Variants in MDGA2 observed in about 807,000 individuals in gnomAD.
MDGA2 encodes MAM domain-containing glycosylphosphatidylinositol anchor protein 2.
Under a neutral mutation model 117.8 loss-of-function variants are expected in MDGA2, and 40 were observed. That is an observed-to-expected ratio of 0.34 (90% CI 0.26 to 0.44). The LOEUF (loss-of-function observed/expected upper bound fraction) is 0.44, where lower values mean the gene tolerates loss of function less well. MDGA2 is among the 20% of genes least tolerant of loss of function. The pLI is 1.00. For synonymous variants in MDGA2, 452 were observed against 439.0 expected (o/e 1.03, Z -0.37); for missense variants, 1,123 against 1,250.6 (o/e 0.90, Z 1.54).
chr14:47,401,268 G>A (rs1472933380), intron 1 of MDGA2, among the ~76,000 whole-genome samples: 1 of 151,942 alleles, frequency 6.6e-6, no homozygotes, highest in African/African-American at 2.4e-5. Context: ...AAAATAGAAC[G>A]GAATTCCAGC....
At chr14:46,865,895 T>C (rs1366078198) in intron 14 of MDGA2, among the ~76,000 whole-genome samples, 3 of 150,610 alleles carry the variant, frequency 2.0e-5, no homozygotes, top group African/African-American at 4.9e-5. Flanking sequence ...TAAAAGAGGA[T>C]ACAAACAAAT....
At chr14:47,392,053 T>C (rs915987366) in intron 1 of MDGA2, among the ~76,000 whole-genome samples, 6 of 152,172 alleles carry the variant, frequency 3.9e-5, no homozygotes, top group Non-Finnish European at 7.3e-5. Flanking sequence ...AAGTTCCCTT[T>C]TATCTTATCA....
chr14:46,999,045 G>C (rs893107935), intron 8 of MDGA2, among the ~76,000 whole-genome samples: 4 of 151,998 alleles, frequency 2.6e-5, no homozygotes, highest in African/African-American at 9.7e-5. Context: ...GAATACAGTA[G>C]ATGAAAAATA....
At chr14:46,979,564 A>T (rs572063483) in intron 8 of MDGA2, among the ~76,000 whole-genome samples, 40 of 152,320 alleles carry the variant, frequency 2.6e-4, no homozygotes, top group African/African-American at 8.9e-4. Flanking sequence ...TACTCCAGGG[A>T]ACACAAAAAT....
chr14:47,198,571 CA>C (rs999594396), intron 3 of MDGA2, among the ~76,000 whole-genome samples: 20 of 143,292 alleles, frequency 1.4e-4, no homozygotes, highest in South Asian at 4.4e-4. Context: ...GACTCCGTCT[CA>C]AAAAAAAAAA....
intron 5 of MDGA2, among the ~76,000 whole-genome samples, chr14:47,111,664 G>T (rs66794842): frequency 0.23 from 35,061 of 152,036 alleles, 4,324 homozygotes; most frequent in East Asian, 0.48. Context: ...TAAATTCTCA[G>T]AATCTAAGAG....
intron 2 of MDGA2, among the ~76,000 whole-genome samples, chr14:47,237,327 C>T (rs1052496021): frequency 6.6e-6 from 1 of 152,114 alleles, no homozygotes; most frequent in Non-Finnish European, 1.5e-5. Flanking sequence ...ACTTATGAGC[C>T]GCATTTTACG....
At chr14:46,967,549 T>C (rs529022640) in intron 8 of MDGA2, among the ~76,000 whole-genome samples, 9 of 152,276 alleles carry the variant, frequency 5.9e-5, no homozygotes, top group Admixed American at 2.0e-4. Flanking sequence ...CATGAACACA[T>C]AGAAGTGTTG....
intron 2 of MDGA2, among the ~76,000 whole-genome samples, chr14:47,275,498 A>C (rs1489105311): frequency 6.6e-6 from 1 of 152,140 alleles, no homozygotes; most frequent in Non-Finnish European, 1.5e-5. Context: ...TACACAATTA[A>C]AATATTTATG....
intron 8 of MDGA2, among the ~76,000 whole-genome samples, chr14:46,987,948 G>A (rs1335594463): frequency 1.3e-5 from 2 of 151,616 alleles, no homozygotes; most frequent in East Asian, 3.9e-4. Context: ...GCGCGCGTGT[G>A]TGTATGTTGT....
chr14:47,123,432 T>G (rs1401653348), intron 5 of MDGA2, among the ~76,000 whole-genome samples: 1 of 152,022 alleles, frequency 6.6e-6, no homozygotes, highest in Non-Finnish European at 1.5e-5. Flanking sequence ...TGCTGTCTTA[T>G]CATCATCTAT....
At chr14:47,642,094 T>C (rs1897436809) in intron 1 of MDGA2, among the ~76,000 whole-genome samples, 1 of 152,070 alleles carries the variant, frequency 6.6e-6, no homozygotes, top group South Asian at 2.1e-4. Context: ...ATTCTCTCCC[T>C]AGGGGAACTT....
intron 1 of MDGA2, among the ~76,000 whole-genome samples, chr14:47,534,496 G>A (rs964161029): frequency 6.6e-6 from 1 of 152,158 alleles, no homozygotes; most frequent in East Asian, 1.9e-4. Context: ...GGGGAAGCAG[G>A]CATGTCTTAC....
chr14:47,531,795 A>G (rs1955777), intron 1 of MDGA2, among the ~76,000 whole-genome samples: 18,824 of 152,220 alleles, frequency 0.12, 1,347 homozygotes, highest in African/African-American at 0.19. Flanking sequence ...TATTTGAAGC[A>G]CTTATTTCTA....
rs369014257 is a variant in MDGA2 at position 47,153,840 on chromosome 14, G to A, written c.596-9566C>T. Among the ~76,000 whole-genome samples, 7 of 152,244 alleles carry A rather than the reference G, an allele frequency of 4.6e-5. No homozygotes were observed. In the East Asian group the frequency reaches 1.2e-3, roughly 25 times the overall value. On this transcript the variant is annotated intron_variant, in intron 3 of 16. Coordinates refer to ENST00000399232, the MANE Select transcript of MDGA2 (RefSeq NM_001113498.3). ...ATAGCACTTCCACAGCCATGGAGAG[G>A]TTGGAGAGCAGAATAAGTGGTGAAA...
At chr14:47,334,416 C>G (rs926522423) in intron 1 of MDGA2, among the ~76,000 whole-genome samples, 1 of 151,758 alleles carries the variant, frequency 6.6e-6, no homozygotes, top group African/African-American at 2.4e-5. Flanking sequence ...TTAGTTCATA[C>G]TTTATTTACT....
At chr14:47,647,684 G>T (rs1178377592) in intron 1 of MDGA2, among the ~76,000 whole-genome samples, 1 of 152,004 alleles carries the variant, frequency 6.6e-6, no homozygotes, top group East Asian at 1.9e-4. Flanking sequence ...GCCACTTTTC[G>T]CCTACCACAA....
intron 1 of MDGA2, among the ~76,000 whole-genome samples, chr14:47,557,705 T>C (rs901153899): frequency 6.6e-6 from 1 of 152,224 alleles, no homozygotes; most frequent in Non-Finnish European, 1.5e-5. Flanking sequence ...TATGGCATCA[T>C]GTTCTACGTC....
At chr14:47,586,329 G>T (rs567263724) in intron 1 of MDGA2, among the ~76,000 whole-genome samples, 130 of 151,946 alleles carry the variant, frequency 8.6e-4, no homozygotes, top group Non-Finnish European at 1.3e-3. Flanking sequence ...CATTCTGATT[G>T]TTCTGTAATG....
Sources: allele counts gnomAD v4.1 joint callset (sites outside exome capture counted in the v4.1 genomes callset), GRCh38; gene constraint gnomAD v4.1.1; transcripts MANE v1.5; gene names NCBI Gene and HGNC (gene_info 2026-07-23, HGNC 2026-07-21).